The following LRP1B variants were observed in gnomAD, a reference collection of about 807,000 sequenced individuals.
LRP1B encodes LDL receptor related protein 1B.
In LRP1B, 217 loss-of-function variants were observed where a neutral mutation model predicts 556.6. That is an observed-to-expected ratio of 0.39 (90% CI 0.35 to 0.44). LRP1B has a LOEUF of 0.44. Among genes scored for constraint, LRP1B ranks in the 20% least tolerant of loss-of-function variants. LRP1B has a pLI of 1.00. For missense variants in LRP1B, 5,053 were observed against 5,620.8 expected, an observed-to-expected ratio of 0.90 and a Z score of 3.23; for synonymous variants, 2,047 against 1,865.8, an observed-to-expected ratio of 1.10 and a Z score of -2.50.
chr2:141,387,718 T>C (rs1431801718), intron 3 of LRP1B, among the ~76,000 whole-genome samples: 1 of 152,170 alleles, frequency 6.6e-6, no homozygotes, highest in African/African-American at 2.4e-5. Flanking sequence ...GCTTCACTGG[T>C]GAATTCTACC....
At chr2:141,548,683 C>T (rs911647586) in intron 2 of LRP1B, among the ~76,000 whole-genome samples, 1 of 152,106 alleles carries the variant, frequency 6.6e-6, no homozygotes, top group African/African-American at 2.4e-5. Context: ...TATTACTGTG[C>T]TGATTTAGCA....
intron 2 of LRP1B, among the ~76,000 whole-genome samples, chr2:141,656,980 C>T (rs915330003): frequency 6.6e-6 from 1 of 152,058 alleles, no homozygotes; most frequent in African/African-American, 2.4e-5. Flanking sequence ...AAATATTACA[C>T]ATTTTAATGC....
At chr2:140,370,519 G>A (rs1682948658) in intron 71 of LRP1B, among the ~76,000 whole-genome samples, 191 bp downstream of exon 71, 1 of 151,972 alleles carries the variant, frequency 6.6e-6, no homozygotes, top group South Asian at 2.1e-4. Context: ...CCCAGATTGG[G>A]ATTATACTCT....
At chr2:141,931,266 A>G (rs954489914) in intron 1 of LRP1B, among the ~76,000 whole-genome samples, 1 of 152,020 alleles carries the variant, frequency 6.6e-6, no homozygotes, top group African/African-American at 2.4e-5. Context: ...TGATGGAGAA[A>G]GATACACATC....
intron 6 of LRP1B, among the ~76,000 whole-genome samples, chr2:141,199,283 G>A (rs866899522): frequency 2.6e-5 from 4 of 152,104 alleles, no homozygotes; most frequent in African/African-American, 9.7e-5. Flanking sequence ...ACACCTTAGA[G>A]TATTTCTCTT....
intron 1 of LRP1B, among the ~76,000 whole-genome samples, chr2:142,024,050 C>A (rs1703427848): frequency 6.6e-6 from 1 of 152,180 alleles, no homozygotes; most frequent in South Asian, 2.1e-4. Flanking sequence ...CCCTATCAGG[C>A]AGCTGTTCAA....
In LRP1B at chr2:141,371,483, A is replaced by G. The variant is rs368503479; in HGVS notation, c.343+108913T>C. On this transcript the variant is annotated intron_variant, in intron 3 of 90. Transcript: ENST00000389484. ...TTTGAGCAATATGGTTATTTTAACA[A>G]TATTAATTCTTCCAATCCATGACCA... Among the ~76,000 whole-genome samples, 24 of 152,336 alleles carry G rather than the reference A, an allele frequency of 1.6e-4. 2 individuals carry two copies. The South Asian group carries it at 5.0e-3, about 32-fold the overall frequency.
At chr2:141,039,664 G>A (rs917177738) in intron 11 of LRP1B, among the ~76,000 whole-genome samples, 5 of 151,888 alleles carry the variant, frequency 3.3e-5, no homozygotes, top group East Asian at 1.9e-4. Flanking sequence ...TTGTCATTAC[G>A]GATGCATATG....
At chr2:141,532,825 A>G (rs1315616835) in intron 2 of LRP1B, among the ~76,000 whole-genome samples, 1 of 152,090 alleles carries the variant, frequency 6.6e-6, no homozygotes, top group East Asian at 1.9e-4. Context: ...GTCTCTACTA[A>G]AAATACAAAA....
At chr2:140,984,759 T>C (rs186406353) in intron 17 of LRP1B, among the ~76,000 whole-genome samples, 1 of 152,222 alleles carries the variant, frequency 6.6e-6, no homozygotes, top group Admixed American at 6.6e-5. Flanking sequence ...GAGTGGAAAG[T>C]ATGCCCTGAA....
intron 3 of LRP1B, among the ~76,000 whole-genome samples, chr2:141,432,991 T>C (rs1252878638): frequency 6.6e-6 from 1 of 152,038 alleles, no homozygotes; most frequent in Non-Finnish European, 1.5e-5. Flanking sequence ...AAGTTATCTA[T>C]GTGAGACTTC....
intron 3 of LRP1B, among the ~76,000 whole-genome samples, chr2:141,472,083 AG>A (rs138123370): frequency 0.019 from 2,918 of 152,342 alleles, 59 homozygotes; most frequent in East Asian, 0.093. Context: ...TCCAGCTAAG[AG>A]GCTAGTACGT....
intron 41 of LRP1B, among the ~76,000 whole-genome samples, chr2:140,682,738 T>A (rs1036975747): frequency 1.3e-5 from 2 of 151,144 alleles, no homozygotes; most frequent in East Asian, 2.0e-4. Flanking sequence ...AAACTGAACC[T>A]GAAGTATATA....
intron 7 of LRP1B, among the ~76,000 whole-genome samples, chr2:141,186,147 G>A (rs529985476): frequency 6.6e-6 from 1 of 151,112 alleles, no homozygotes; most frequent in South Asian, 2.1e-4. Context: ...CCTTTTGGGG[G>A]GTAAGGCAAA....
chr2:141,731,529 A>AT (rs1337857890), intron 2 of LRP1B, among the ~76,000 whole-genome samples: 2 of 152,016 alleles, frequency 1.3e-5, no homozygotes, highest in African/African-American at 4.8e-5. Context: ...AAAGCCACAT[A>AT]TTTTTTTCCT....
chr2:141,396,690 G>T (rs1023104282), intron 3 of LRP1B, among the ~76,000 whole-genome samples: 2 of 151,952 alleles, frequency 1.3e-5, no homozygotes, highest in African/African-American at 4.8e-5. Flanking sequence ...GATAAATTCT[G>T]GATAGGGGAA....
intron 41 of LRP1B, among the ~76,000 whole-genome samples, chr2:140,608,341 T>TA: frequency 6.6e-6 from 1 of 152,170 alleles, no homozygotes. Flanking sequence ...TGAGAACACC[T>TA]AAAAAACTGT....
At chr2:141,062,313 GA>G (rs1288157356) in intron 7 of LRP1B, 40 bp from the exon 8 acceptor site, 1 of 1,419,912 alleles carries the variant, frequency 7.0e-7, no homozygotes, top group Non-Finnish European at 9.7e-7. Context: ...GAGGGTGGGG[GA>G]GGGAAGCACG....
At chr2:141,711,952 G>GACAC (rs3039230) in intron 2 of LRP1B, among the ~76,000 whole-genome samples, 1,811 of 148,378 alleles carry the variant, frequency 0.012, 28 homozygotes, top group African/African-American at 0.039. Context: ...AACACACACA[G>GACAC]ACACACACAC....
Sources: allele counts gnomAD v4.1 joint callset (sites outside exome capture counted in the v4.1 genomes callset), GRCh38; gene constraint gnomAD v4.1.1; transcripts MANE v1.5; gene names NCBI Gene and HGNC (gene_info 2026-07-23, HGNC 2026-07-21).